Variants in CHD9 observed in about 807,000 individuals in gnomAD.
CHD9 encodes chromodomain helicase DNA binding protein 9, also known as ATP-dependent chromatin remodeler CHD9.
Under a neutral mutation model 316.1 loss-of-function variants are expected in CHD9, and 77 were observed. The observed-to-expected ratio is 0.24, with a 90% CI of 0.20 to 0.29. The LOEUF (loss-of-function observed/expected upper bound fraction) is 0.29. Among genes scored for constraint, CHD9 ranks in the 10% least tolerant of loss-of-function variants. CHD9 has a pLI of 1.00. For synonymous variants in CHD9, 1,129 were observed against 1,158.3 expected (o/e 0.97, Z 0.51); for missense variants, 2,763 against 3,438.1 (o/e 0.80, Z 4.91).
intron 29 of CHD9, among the ~76,000 whole-genome samples, chr16:53,296,441 T>TTTA (rs1485620063): frequency 7.3e-6 from 1 of 137,226 alleles, no homozygotes; most frequent in African/African-American, 2.8e-5. Flanking sequence ...TAAATTTTTT[T>TTTA]TTTTTTTTTT....
intron 1 of CHD9, among the ~76,000 whole-genome samples, chr16:53,100,053 G>A (rs2036717430): frequency 6.6e-6 from 1 of 152,220 alleles, no homozygotes; most frequent in Non-Finnish European, 1.5e-5. Flanking sequence ...CCCTGACCAA[G>A]CAGGCTGCAG....
chr16:53,313,124 G>A (rs1413793485), intron 34 of CHD9, among the ~76,000 whole-genome samples: 1 of 152,006 alleles, frequency 6.6e-6, no homozygotes, highest in Non-Finnish European at 1.5e-5. Flanking sequence ...TTTGTTGAGT[G>A]CCTACTGAAA....
intron 1 of CHD9, among the ~76,000 whole-genome samples, chr16:53,060,584 C>T (rs1454840777): frequency 6.6e-6 from 1 of 152,122 alleles, no homozygotes; most frequent in South Asian, 2.1e-4. Flanking sequence ...ATAGCAAGAC[C>T]CCATATCTAC....
In CHD9 at chr16:53,155,630, A is replaced by G. The variant is rs191441171; in HGVS notation, c.-164-296A>G. Among the ~76,000 whole-genome samples the G allele has an allele frequency of 1.9e-4, 29 of 152,152 alleles. No homozygotes were observed. The East Asian group carries it at 3.9e-3, about 20-fold the overall frequency. On this transcript the variant is annotated intron_variant, in intron 1 of 38. Coordinates refer to ENST00000447540, the MANE Select transcript of CHD9 (RefSeq NM_001308319.2). ...AGTTGTTTATCCATTACCATAACCA[A>G]TTTTAGAGCATTTTCGTTACCCCCA... is the stretch of plus-strand genomic sequence containing the variant.
At chr16:53,206,573 G>A (rs557716692) in intron 2 of CHD9, among the ~76,000 whole-genome samples, 9 of 152,212 alleles carry the variant, frequency 5.9e-5, no homozygotes, top group African/African-American at 1.9e-4. Context: ...GTGATCTTGG[G>A]CAAGTCATTT....
intron 1 of CHD9, among the ~76,000 whole-genome samples, chr16:53,112,990 A>C (rs1181827260): frequency 6.6e-6 from 1 of 152,212 alleles, no homozygotes; most frequent in Non-Finnish European, 1.5e-5. Flanking sequence ...TGACAGAGCG[A>C]GACCCTCTAA....
At chr16:53,290,186 A>C (rs2054212058) in intron 27 of CHD9, among the ~76,000 whole-genome samples, 1 of 152,208 alleles carries the variant, frequency 6.6e-6, no homozygotes, top group Non-Finnish European at 1.5e-5. Flanking sequence ...AGGCAGGAGA[A>C]TCACTTGAAG....
chr16:53,057,860 G>T (rs1169678466), intron 1 of CHD9, among the ~76,000 whole-genome samples: 2 of 152,102 alleles, frequency 1.3e-5, no homozygotes, highest in Non-Finnish European at 2.9e-5. Flanking sequence ...TGTCCCTTTT[G>T]TGGTGTACTT....
At chr16:53,280,519 G>T (rs976620492) in intron 24 of CHD9, among the ~76,000 whole-genome samples, 1 of 151,902 alleles carries the variant, frequency 6.6e-6, no homozygotes, top group Non-Finnish European at 1.5e-5. Flanking sequence ...GGGACTCAGG[G>T]GGGAAAGGGC....
At position 53,079,598 on chromosome 16, in the gene CHD9, G is replaced by A. The variant is rs559332341; in HGVS notation, c.-165+24521G>A. 1.5e-3 allele frequency among the ~76,000 whole-genome samples: 226 copies of A among 152,140 alleles called. 1 individual carries two copies. Among genetic ancestry groups the A allele is most frequent in the Non-Finnish European group, 2.4e-3 (161 of 68,006 alleles). On this transcript the variant is annotated intron_variant, in intron 1 of 38. Transcript: ENST00000447540. ...TTATACCTCAGTTTATGTTAGTGGG[G>A]TGTCTTTTGGTTGGAATCCTAGATA...
chr16:53,081,154 T>C (rs1260286627), intron 1 of CHD9, among the ~76,000 whole-genome samples: 4 of 152,208 alleles, frequency 2.6e-5, no homozygotes, highest in African/African-American at 9.7e-5. Context: ...GATGAGATTT[T>C]AAAAGCATTT....
intron 1 of CHD9, among the ~76,000 whole-genome samples, chr16:53,072,159 T>C (rs952804250): frequency 2.0e-5 from 3 of 152,074 alleles, no homozygotes; most frequent in African/African-American, 7.2e-5. Context: ...GTTGTTGTCT[T>C]ATCCCCAGCC....
intron 2 of CHD9, among the ~76,000 whole-genome samples, chr16:53,176,371 C>T (rs1250717103): frequency 6.6e-6 from 1 of 152,166 alleles, no homozygotes; most frequent in African/African-American, 2.4e-5. Context: ...GTGATTACAT[C>T]GGGCCTACAT....
At chr16:53,227,265 G>C (rs1047020937) in intron 5 of CHD9, 131 bp from the exon 6 acceptor site, 2 of 591,024 alleles carry the variant, frequency 3.4e-6, no homozygotes, top group Non-Finnish European at 5.9e-6. Context: ...TTTCTAACAC[G>C]TAACATAGTG....
chr16:53,184,910 C>T (rs1054937531), intron 2 of CHD9, among the ~76,000 whole-genome samples: 1 of 152,110 alleles, frequency 6.6e-6, no homozygotes, highest in African/African-American at 2.4e-5. Context: ...TCTCTCCTGC[C>T]ACCATGTGAA....
In CHD9 at chr16:53,306,289, C is replaced by T. The variant is rs751673828; in HGVS notation, c.6672C>T (p.Ser2224=). Residue 2224 remains serine, a synonymous_variant, in exon 32 of 39, where the codon AGC becomes AGT. Coordinates refer to ENST00000447540, the MANE Select transcript of CHD9 (RefSeq NM_001308319.2). ...AYDEESVASL[S]TTQDETQDSF... ...ATGAAGAAAGCGTCGCGTCACTGAG[C>T]ACTACCCAGGATGAGACTCAGGATA... 5 of 1,606,994 alleles carry T rather than the reference C, an allele frequency of 3.1e-6. No homozygotes were observed. The highest frequency in any genetic ancestry group is 3.3e-4 in the Middle Eastern group (2 of 6,046).
chr16:53,185,678 G>C (rs1440166535), intron 2 of CHD9, among the ~76,000 whole-genome samples: 1 of 152,218 alleles, frequency 6.6e-6, no homozygotes, highest in Non-Finnish European at 1.5e-5. Flanking sequence ...AACTAGGAGG[G>C]AAAAATGTTT....
intron 34 of CHD9, chr16:53,311,815 A>G (rs1245629414): frequency 6.6e-6 from 1 of 152,220 alleles, no homozygotes; most frequent in African/African-American, 2.4e-5. Flanking sequence ...TAATGTTCCC[A>G]TCTTATTTAT....
At chr16:53,264,272 T>A (rs1408742960) in intron 20 of CHD9, among the ~76,000 whole-genome samples, 1 of 152,130 alleles carries the variant, frequency 6.6e-6, no homozygotes, top group Non-Finnish European at 1.5e-5. Flanking sequence ...GAATATTTAA[T>A]GCACTCAGGA....
Sources: allele counts gnomAD v4.1 joint callset (sites outside exome capture counted in the v4.1 genomes callset), GRCh38; gene constraint gnomAD v4.1.1; transcripts MANE v1.5; gene names NCBI Gene and HGNC (gene_info 2026-07-23, HGNC 2026-07-21).